Variants in GALNTL6 observed in about 807,000 individuals in gnomAD.
GALNTL6 encodes polypeptide N-acetylgalactosaminyltransferase-like 6.
GALNTL6 carries 46 observed loss-of-function variants against 73.7 expected under a neutral mutation model. The observed-to-expected ratio is 0.62, with a 90% CI of 0.49 to 0.80. GALNTL6 has a LOEUF of 0.80. Ranked by LOEUF, GALNTL6 falls within the 30% of genes least tolerant of loss-of-function variation. The pLI is 0.00. For missense variants in GALNTL6, 604 were observed against 755.0 expected, an observed-to-expected ratio of 0.80 and a Z score of 2.34; for synonymous variants, 259 against 263.7, an observed-to-expected ratio of 0.98 and a Z score of 0.17.
intron 2 of GALNTL6, among the ~76,000 whole-genome samples, chr4:171,999,289 A>G (rs935236709): frequency 6.6e-6 from 1 of 152,198 alleles, no homozygotes; most frequent in Non-Finnish European, 1.5e-5. Context: ...ACAATTGCCT[A>G]TGAAAAAGAA....
At chr4:172,960,919 G>A (rs920972237) in intron 10 of GALNTL6, among the ~76,000 whole-genome samples, 2 of 151,996 alleles carry the variant, frequency 1.3e-5, no homozygotes. Flanking sequence ...AGAGAAAAGA[G>A]AGAGTAGAGA....
chr4:173,001,621 A>G (rs1752049493), intron 10 of GALNTL6, among the ~76,000 whole-genome samples: 1 of 152,252 alleles, frequency 6.6e-6, no homozygotes, highest in African/African-American at 2.4e-5. Flanking sequence ...CATATATCTG[A>G]TAAGGGATTA....
intron 10 of GALNTL6, among the ~76,000 whole-genome samples, chr4:172,985,853 T>C (rs1050402062): frequency 3.9e-5 from 6 of 152,228 alleles, no homozygotes; most frequent in African/African-American, 1.4e-4. Flanking sequence ...AGTGGTTATC[T>C]ATAGGAGCAA....
intron 5 of GALNTL6, among the ~76,000 whole-genome samples, chr4:172,547,094 C>G (rs962123610): frequency 6.6e-6 from 1 of 151,878 alleles, no homozygotes; most frequent in African/African-American, 2.4e-5. Flanking sequence ...ATAGGAAAGT[C>G]ATCTGTCAGT....
intron 2 of GALNTL6, among the ~76,000 whole-genome samples, chr4:172,030,615 C>G (rs1741736515): frequency 6.6e-6 from 1 of 151,948 alleles, no homozygotes; most frequent in South Asian, 2.1e-4. Context: ...GAGGCTGAGG[C>G]AGGAGAATCA....
At chr4:172,527,867 G>C (rs189181978) in intron 5 of GALNTL6, among the ~76,000 whole-genome samples, 1 of 152,120 alleles carries the variant, frequency 6.6e-6, no homozygotes, top group Admixed American at 6.5e-5. Context: ...AACCCATTAT[G>C]TGTTGGGAAT....
chr4:172,801,370 C>A (rs73869670), intron 5 of GALNTL6, among the ~76,000 whole-genome samples: 1,821 of 152,220 alleles, frequency 0.012, 39 homozygotes, highest in African/African-American at 0.04. Context: ...GATGACAAAA[C>A]AAATAAATCT....
chr4:172,027,503 C>G (rs779625253), intron 2 of GALNTL6, among the ~76,000 whole-genome samples: 1 of 152,022 alleles, frequency 6.6e-6, no homozygotes, highest in Non-Finnish European at 1.5e-5. Flanking sequence ...CTGACTGATC[C>G]ACTCACTGGC....
At chr4:172,073,841 A>G (rs998476452) in intron 2 of GALNTL6, among the ~76,000 whole-genome samples, 1 of 152,178 alleles carries the variant, frequency 6.6e-6, no homozygotes, top group Non-Finnish European at 1.5e-5. Context: ...GACAATAACT[A>G]CTGGGGACAG....
chr4:172,612,226 A>C (rs1245179208), intron 5 of GALNTL6, among the ~76,000 whole-genome samples: 2 of 152,198 alleles, frequency 1.3e-5, no homozygotes, highest in Non-Finnish European at 2.9e-5. Flanking sequence ...TTTGGGCTTC[A>C]GTTTCTTGAC....
chr4:172,931,042 A>G, intron 8 of GALNTL6, 119 bp from the exon 9 acceptor site: 1 of 677,170 alleles, frequency 1.5e-6, no homozygotes, highest in African/African-American at 1.8e-5. Flanking sequence ...ATTTATAATA[A>G]GTAGAAATTA....
At chr4:172,696,840 T>C (rs1052926636) in intron 5 of GALNTL6, among the ~76,000 whole-genome samples, 32 of 152,314 alleles carry the variant, frequency 2.1e-4, no homozygotes, top group Admixed American at 7.2e-4. Context: ...CTTCTGTAAA[T>C]GCATTTTCAC....
At chr4:171,978,287 A>T (rs1739781520) in intron 2 of GALNTL6, among the ~76,000 whole-genome samples, 1 of 152,204 alleles carries the variant, frequency 6.6e-6, no homozygotes, top group Admixed American at 6.5e-5. Flanking sequence ...CAACACCCTT[A>T]AAAACCACAG....
At chr4:171,997,160 G>T (rs984533599) in intron 2 of GALNTL6, among the ~76,000 whole-genome samples, 1 of 152,056 alleles carries the variant, frequency 6.6e-6, no homozygotes, top group African/African-American at 2.4e-5. Flanking sequence ...ATTTGAACTT[G>T]CATGCAAATG....
intron 2 of GALNTL6, among the ~76,000 whole-genome samples, chr4:172,224,604 G>A (rs1162064420): frequency 6.6e-6 from 1 of 152,118 alleles, no homozygotes; most frequent in Non-Finnish European, 1.5e-5. Flanking sequence ...ATTCACCAGG[G>A]ATTTCCAGAC....
intron 2 of GALNTL6, among the ~76,000 whole-genome samples, chr4:172,185,613 C>A (rs1735392828): frequency 6.6e-6 from 1 of 152,074 alleles, no homozygotes; most frequent in African/African-American, 2.4e-5. Flanking sequence ...TGTAGTAATT[C>A]TTAAGTATAA....
chr4:171,853,143 G>A (rs1471570298), intron 2 of GALNTL6, among the ~76,000 whole-genome samples: 2 of 151,432 alleles, frequency 1.3e-5, no homozygotes, highest in African/African-American at 2.4e-5. Flanking sequence ...GATTACAGGC[G>A]TGAGCCACCG....
At chr4:171,818,024 A>T (rs2110796951) in intron 2 of GALNTL6, among the ~76,000 whole-genome samples, 1 of 151,660 alleles carries the variant, frequency 6.6e-6, no homozygotes, top group East Asian at 1.9e-4. Flanking sequence ...TGTCATTTAG[A>T]AATATATATG....
At chr4:171,976,293 C>T (rs1409731670) in intron 2 of GALNTL6, among the ~76,000 whole-genome samples, 3 of 152,132 alleles carry the variant, frequency 2.0e-5, no homozygotes, top group East Asian at 3.9e-4. Context: ...ACATAATTTG[C>T]ATTTATGGAC....
Sources: allele counts gnomAD v4.1 joint callset (sites outside exome capture counted in the v4.1 genomes callset), GRCh38; gene constraint gnomAD v4.1.1; transcripts MANE v1.5; gene names NCBI Gene and HGNC (gene_info 2026-07-23, HGNC 2026-07-21).